Variants in SEC24B observed in about 807,000 individuals in gnomAD.
SEC24B encodes SEC24 homolog B, COPII component.
SEC24B carries 45 observed loss-of-function variants against 142.8 expected under a neutral mutation model. The ratio of observed to expected loss-of-function variants is 0.32; its 90% CI spans 0.25 to 0.40. The LOEUF is 0.40. Among genes scored for constraint, SEC24B ranks in the 10% least tolerant of loss-of-function variants. SEC24B has a pLI of 1.00. For synonymous variants in SEC24B, 574 were observed against 568.2 expected, an observed-to-expected ratio of 1.01 and a Z score of -0.15; for missense variants, 1,409 against 1,526.8, an observed-to-expected ratio of 0.92 and a Z score of 1.29.
intron 2 of SEC24B, among the ~76,000 whole-genome samples, chr4:109,465,220 G>A (rs1299762861): frequency 3.9e-5 from 6 of 152,168 alleles, no homozygotes; most frequent in African/African-American, 1.4e-4. Context: ...ACTGACTTGG[G>A]TGAGTCAACT....
At chr4:109,522,346 C>T (rs1003237137) in intron 14 of SEC24B, among the ~76,000 whole-genome samples, 4 of 152,136 alleles carry the variant, frequency 2.6e-5, no homozygotes, top group African/African-American at 7.2e-5. Flanking sequence ...CCACCGTGCC[C>T]GGCGAGAGTT....
In SEC24B at chr4:109,481,862, TAAA is replaced by T. The variant is rs1733777319; in HGVS notation, c.1165+85_1165+87del. ...GTTTCCACAGTCTTACTTAGCCTTT[TAAA>T]AAAGAGTCTTTGAAGATTTAGCATG... On this transcript the variant is annotated intron_variant, in intron 4 of 23. Coordinates refer to ENST00000265175, the MANE Select transcript of SEC24B (RefSeq NM_006323.5). 2.0e-5 allele frequency: 19 copies of T among 947,648 alleles called. No homozygotes were observed. In the South Asian group the frequency reaches 3.2e-4, roughly 16 times the overall value. The allele number at this position is 947,648 out of a possible 1,614,324, so 58.7% of individuals were successfully genotyped here.
rs35997146 is a variant in SEC24B, at chr4:109,530,895, CAAAAAAAAAAAA to C, written c.3252+445_3252+456del. Among the ~76,000 whole-genome samples, 44 of 46,344 alleles carry C rather than the reference CAAAAAAAAAAAA, an allele frequency of 9.5e-4. No individual in the cohort carries two copies. In the Admixed American group the frequency reaches 0.011, roughly 11 times the overall value. The allele number at this position is 46,344 out of a possible 152,430, so 30.4% of individuals were successfully genotyped here. A position where few individuals can be genotyped will look rare whatever the true frequency, so the allele number is the denominator to read the frequency against. The stretch of plus-strand genomic sequence containing the variant: ...TGGGCAACAGAGCGAGACTCCGTCT[CAAAAAAAAAAAA>C]AAAAAAAAAAAAAGAAAAGATCAGT... On this transcript the variant is annotated intron_variant, in intron 19 of 23. Transcript: ENST00000265175.
At chr4:109,510,256 T>A in intron 8 of SEC24B, 145 bp downstream of exon 8, 1 of 447,276 alleles carries the variant, frequency 2.2e-6, no homozygotes, top group Middle Eastern at 5.9e-4. Context: ...TTGGCAAACA[T>A]TTTTTGAACA....
At chr4:109,450,770 T>C (rs568291016) in intron 1 of SEC24B, 1 of 150,164 alleles carries the variant, frequency 6.7e-6, no homozygotes, top group Non-Finnish European at 1.5e-5. Context: ...TTTTTTTTTT[T>C]AAAGAGCCAG....
chr4:109,455,757 C>A (rs1730605560), intron 1 of SEC24B, among the ~76,000 whole-genome samples: 1 of 151,956 alleles, frequency 6.6e-6, no homozygotes. Flanking sequence ...TCTGTCCTTT[C>A]ACCAATACCA....
At chr4:109,491,785 T>C (rs765218803) in intron 5 of SEC24B, among the ~76,000 whole-genome samples, 112 of 152,294 alleles carry the variant, frequency 7.4e-4, no homozygotes, top group Non-Finnish European at 2.2e-4. Context: ...TTTGACTCTT[T>C]GCTCCCTCAA....
chr4:109,500,234 G>A (rs1195765419), intron 6 of SEC24B, among the ~76,000 whole-genome samples: 6 of 152,104 alleles, frequency 3.9e-5, no homozygotes, highest in African/African-American at 1.4e-4. Context: ...AAAAGTCATT[G>A]CGGTTCTTGC....
In SEC24B at chr4:109,526,255, T is replaced by C. The variant is rs774423573; in HGVS notation, c.2821T>C (p.Phe941Leu). The C allele has an allele frequency of 2.5e-6, 4 of 1,613,992 alleles. No individual in the cohort carries two copies. The South Asian group carries it at 4.4e-5, about 18-fold the overall frequency. ...TTCAATGCACACTTTTCACGGTAAC[T>C]TCTTTGTCCGTTCTACTGATTTGTT... is the stretch of plus-strand genomic sequence containing the variant. ...GLSMHTFHGN[F>L]FVRSTDLLSL... is the part of the protein sequence containing the mutation. The change falls in exon 17 of 24, where the codon TTC (phenylalanine) becomes CTC (leucine). Residue 941 changes from phenylalanine (F) to leucine (L), a missense_variant. This residue lies in a region of SEC24B where 700 missense variants were observed against 853.3 expected (regional missense o/e 0.82). Coordinates refer to ENST00000265175, the MANE Select transcript of SEC24B (RefSeq NM_006323.5).
intron 12 of SEC24B, 53 bp downstream of exon 12, chr4:109,520,537 G>T (rs1473100766): frequency 5.9e-6 from 6 of 1,025,404 alleles, no homozygotes; most frequent in Non-Finnish European, 9.2e-6. Context: ...TGAAATGGGG[G>T]CTACTTTATT....
chr4:109,462,967 C>T lies in SEC24B; in HGVS notation c.200C>T (p.Pro67Leu), dbSNP rs368266774. ...TTGCATCATCAAAACTATATTGCTC[C>T]CTCAGGACATTACTCTCAAGGACCT... ...YGLHHQNYIAPSGHYSQGPGK... is the reference protein window; with the variant it reads ...YGLHHQNYIALSGHYSQGPGK... The change falls in exon 2 of 24, where the codon CCC (proline) becomes CTC (leucine). Residue 67 changes from proline (P) to leucine (L), a missense_variant. This residue lies in a region of SEC24B where 709 missense variants were observed against 673.5 expected (regional missense o/e 1.05). Coordinates refer to ENST00000265175, the MANE Select transcript of SEC24B (RefSeq NM_006323.5). The T allele has an allele frequency of 1.9e-6, 3 of 1,613,650 alleles. No individual in the cohort carries two copies. The highest frequency in any genetic ancestry group is 2.5e-6 in the Non-Finnish European group (3 of 1,180,018).
chr4:109,455,951 G>C (rs1410270927), intron 1 of SEC24B, among the ~76,000 whole-genome samples: 1 of 152,016 alleles, frequency 6.6e-6, no homozygotes, highest in Non-Finnish European at 1.5e-5. Context: ...TGATTGCATT[G>C]AATCTAAAGA....
chr4:109,465,251 C>T (rs1041467973), intron 2 of SEC24B, among the ~76,000 whole-genome samples: 2 of 152,124 alleles, frequency 1.3e-5, no homozygotes, highest in South Asian at 2.1e-4. Context: ...GTCACAGTTC[C>T]GAAATCTGGC....
At chr4:109,506,699 T>G (rs577490121) in intron 7 of SEC24B, among the ~76,000 whole-genome samples, 187 bp downstream of exon 7, 3 of 152,218 alleles carry the variant, frequency 2.0e-5, no homozygotes, top group African/African-American at 7.2e-5. Flanking sequence ...TCTGTCTCAA[T>G]CCAGTCCCTT....
chr4:109,435,302 G>T (rs1279275231), intron 1 of SEC24B, among the ~76,000 whole-genome samples: 3 of 152,294 alleles, frequency 2.0e-5, no homozygotes, highest in South Asian at 2.1e-4. Flanking sequence ...ATCGCTTTTG[G>T]ATATAAACCT....
intron 1 of SEC24B, among the ~76,000 whole-genome samples, chr4:109,453,996 T>C (rs1183076223): frequency 6.6e-6 from 1 of 152,148 alleles, no homozygotes; most frequent in African/African-American, 2.4e-5. Flanking sequence ...TAGCTGGGAT[T>C]ACAGGCATGC....
At chr4:109,511,905 T>G in intron 8 of SEC24B, 52 bp from the exon 9 acceptor site, 2 of 1,594,428 alleles carry the variant, frequency 1.3e-6, no homozygotes, top group Non-Finnish European at 1.7e-6. Flanking sequence ...GTACGTTCTG[T>G]TTTTCCTTGG....
At chr4:109,478,868 T>C (rs1371087069) in intron 3 of SEC24B, among the ~76,000 whole-genome samples, 1 of 152,184 alleles carries the variant, frequency 6.6e-6, no homozygotes, top group Non-Finnish European at 1.5e-5. Flanking sequence ...CATCTGAAAA[T>C]TGATTTCCTT....
intron 6 of SEC24B, among the ~76,000 whole-genome samples, chr4:109,498,467 C>T (rs972183593): frequency 3.9e-5 from 6 of 152,154 alleles, no homozygotes; most frequent in South Asian, 4.1e-4. Flanking sequence ...CAGATTCAAG[C>T]GATTCTCCTG....
Sources: gnomAD v4.1 joint callset for allele counts (sites outside exome capture counted in the v4.1 genomes callset) on GRCh38, gnomAD v4.1.1 for gene constraint, gnomAD v4.1.1 regional missense constraint, MANE v1.5 for transcripts, NCBI Gene and HGNC (gene_info 2026-07-23, HGNC 2026-07-21) for gene names.